Variants in NPAS3 observed in about 807,000 individuals in gnomAD.
NPAS3 encodes neuronal PAS domain protein 3.
NPAS3 carries 14 observed loss-of-function variants against 73.1 expected under a neutral mutation model. That is an observed-to-expected ratio of 0.19 (90% confidence interval 0.13 to 0.30). The LOEUF (loss-of-function observed/expected upper bound fraction) is 0.30. NPAS3 is among the 10% of genes least tolerant of loss of function. The pLI, the probability that NPAS3 is intolerant of heterozygous loss-of-function variation, is 1.00. For missense variants in NPAS3, 1,096 were observed against 1,250.0 expected, an observed-to-expected ratio of 0.88 and a Z score of 1.86; for synonymous variants, 620 against 541.5, an observed-to-expected ratio of 1.14 and a Z score of -2.01.
At chr14:32,989,651 A>G (rs117090130) in intron 1 of NPAS3, among the ~76,000 whole-genome samples, 4,911 of 121,542 alleles carry the variant, frequency 0.04, 113 homozygotes, top group Non-Finnish European at 0.054. Flanking sequence ...TCAAACAACA[A>G]CAACAACAAC....
At chr14:33,740,661 G>A (rs746839638) in intron 7 of NPAS3, among the ~76,000 whole-genome samples, 5 of 152,112 alleles carry the variant, frequency 3.3e-5, no homozygotes, top group Admixed American at 6.6e-5. Context: ...AATCTTTATC[G>A]GTGCTTTACT....
rs559577992 is a variant in NPAS3, at chr14:33,035,976, C to T, written c.51-19929C>T. Among the ~76,000 whole-genome samples, 23 of 152,244 alleles carry T rather than the reference C, an allele frequency of 1.5e-4. 1 individual carries two copies. In the South Asian group the frequency reaches 1.7e-3, roughly 11 times the overall value. On this transcript the variant is annotated intron_variant, in intron 1 of 11. Coordinates refer to ENST00000356141, the Ensembl canonical transcript of NPAS3. ...CAAAAACAAAAGCATCTTGTGCTTT[C>T]GTAACTTATTTTGAAACTGCCCTAG...
chr14:33,215,569 A>G (rs1427182927), intron 3 of NPAS3, 143 bp downstream of exon 3: 1 of 921,702 alleles, frequency 1.1e-6, no homozygotes, highest in African/African-American at 1.6e-5. Context: ...ACTCTGCATG[A>G]GAAAGACACC....
chr14:33,549,242 T>C (rs1482177533), intron 4 of NPAS3, among the ~76,000 whole-genome samples: 2 of 152,182 alleles, frequency 1.3e-5, no homozygotes, highest in Non-Finnish European at 2.9e-5. Context: ...CTATTTTATT[T>C]TACTTTTGAG....
At chr14:33,050,632 A>G (rs1033364063) in intron 1 of NPAS3, among the ~76,000 whole-genome samples, 10 of 152,262 alleles carry the variant, frequency 6.6e-5, no homozygotes, top group Non-Finnish European at 1.5e-4. Context: ...TAGAGATGAT[A>G]GATTATCATG....
chr14:33,354,029 T>C (rs889502017), intron 3 of NPAS3, among the ~76,000 whole-genome samples: 5 of 152,096 alleles, frequency 3.3e-5, no homozygotes, highest in African/African-American at 1.2e-4. Context: ...AGTGAAATAT[T>C]GAAAAAAAAT....
At chr14:33,274,719 C>G (rs2041250039) in intron 3 of NPAS3, among the ~76,000 whole-genome samples, 1 of 152,174 alleles carries the variant, frequency 6.6e-6, no homozygotes, top group Admixed American at 6.6e-5. Flanking sequence ...AGGGAAGGTT[C>G]TCCCAGCTGG....
At chr14:32,999,299 C>G (rs941013938) in intron 1 of NPAS3, among the ~76,000 whole-genome samples, 3 of 152,060 alleles carry the variant, frequency 2.0e-5, no homozygotes, top group Non-Finnish European at 2.9e-5. Context: ...ATCACAAGGT[C>G]AGGAGATTGA....
chr14:33,536,098 A>G (rs1194283032), intron 4 of NPAS3, among the ~76,000 whole-genome samples: 3 of 152,190 alleles, frequency 2.0e-5, no homozygotes, highest in African/African-American at 7.2e-5. Flanking sequence ...AGAGTTTGTA[A>G]TTAGACCTGA....
At chr14:33,185,870 A>G (rs1003281378) in intron 2 of NPAS3, among the ~76,000 whole-genome samples, 1 of 152,164 alleles carries the variant, frequency 6.6e-6, no homozygotes, top group Non-Finnish European at 1.5e-5. Flanking sequence ...TTCCCCTACC[A>G]GTAAGCAATC....
intron 1 of NPAS3, among the ~76,000 whole-genome samples, chr14:32,989,594 G>C (rs941697344): frequency 6.6e-6 from 1 of 152,044 alleles, no homozygotes; most frequent in South Asian, 2.1e-4. Flanking sequence ...GCAGTGAGCC[G>C]AGAGCCCGCC....
rs33988299 is a variant in NPAS3 at position 33,645,081 on chromosome 14, C to CAAAA, written c.559-31118_559-31115dup. 6.5e-3 allele frequency among the ~76,000 whole-genome samples: 696 copies of CAAAA among 106,472 alleles called. 10 individuals carry two copies. In the East Asian group the frequency reaches 0.072, roughly 11 times the overall value. The allele number at this position is 106,472 out of a possible 152,430, so 69.8% of individuals were successfully genotyped here. A position where few individuals can be genotyped will look rare whatever the true frequency, so the allele number is the denominator to read the frequency against. On this transcript the variant is annotated intron_variant, in intron 5 of 11. Transcript: ENST00000356141. ...GGGCAACAAGAGTGAAACTCCATCTCAAAAAAAAAAAAAAAGAAAGAAAGA... is the reference window on the plus strand; with the variant it reads ...GGGCAACAAGAGTGAAACTCCATCTCAAAAAAAAAAAAAAAAAAAGAAAGAAAGA...
At chr14:33,292,568 T>A (rs1006437264) in intron 3 of NPAS3, among the ~76,000 whole-genome samples, 1 of 152,102 alleles carries the variant, frequency 6.6e-6, no homozygotes, top group Non-Finnish European at 1.5e-5. Flanking sequence ...AGAAAAAAAA[T>A]TTACAGAAGG....
chr14:33,753,510 A>G (rs909946972), intron 7 of NPAS3, among the ~76,000 whole-genome samples: 1 of 152,196 alleles, frequency 6.6e-6, no homozygotes, highest in African/African-American at 2.4e-5. Flanking sequence ...TTGATTCTGC[A>G]GTAACTGTAA....
chr14:33,186,593 C>G (rs767721757), intron 2 of NPAS3, among the ~76,000 whole-genome samples: 1 of 152,154 alleles, frequency 6.6e-6, no homozygotes. Flanking sequence ...GATTTTCCCT[C>G]GAGTCTGATC....
chr14:33,674,526 G>A (rs2059701692), intron 5 of NPAS3, among the ~76,000 whole-genome samples: 2 of 152,188 alleles, frequency 1.3e-5, no homozygotes, highest in Admixed American at 1.3e-4. Flanking sequence ...AGTGCTTAGA[G>A]GCAAGGCGCA....
At chr14:33,710,994 C>T (rs553922335) in intron 6 of NPAS3, among the ~76,000 whole-genome samples, 9 of 152,270 alleles carry the variant, frequency 5.9e-5, no homozygotes, top group South Asian at 2.1e-4. Context: ...CAGAACTTCT[C>T]GAATATTTGC....
intron 4 of NPAS3, among the ~76,000 whole-genome samples, chr14:33,430,197 T>C (rs111293858): frequency 3.9e-5 from 6 of 152,312 alleles, no homozygotes; most frequent in African/African-American, 1.4e-4. Context: ...TCCAGTGGTA[T>C]AGGACAAAGA....
intron 3 of NPAS3, among the ~76,000 whole-genome samples, chr14:33,365,601 T>G (rs549805473): frequency 5.9e-4 from 90 of 152,216 alleles, no homozygotes; most frequent in Admixed American, 1.4e-3. Flanking sequence ...GCTGGAATAT[T>G]CTTTTGATAA....
Sources: gnomAD v4.1 joint callset for allele counts (sites outside exome capture counted in the v4.1 genomes callset) on GRCh38, gnomAD v4.1.1 for gene constraint, MANE v1.5 for transcripts, NCBI Gene and HGNC (gene_info 2026-07-23, HGNC 2026-07-21) for gene names.